The following NELL2 variants were observed in gnomAD, a reference collection of about 807,000 sequenced individuals.
NELL2 encodes the protein neural EGFL like 2.
Under a neutral mutation model 109.6 loss-of-function variants are expected in NELL2, and 41 were observed. The ratio of observed to expected loss-of-function variants is 0.37; its 90% CI spans 0.29 to 0.49. The LOEUF is 0.49. Among genes scored for constraint, NELL2 ranks in the 20% least tolerant of loss-of-function variants. The pLI is 0.98. For synonymous variants in NELL2, 355 were observed against 344.7 expected (o/e 1.03, Z -0.33); for missense variants, 900 against 1,008.3 (o/e 0.89, Z 1.45).
intron 15 of NELL2, among the ~76,000 whole-genome samples, chr12:44,534,213 TA>T (rs772758714): frequency 1.0e-3 from 155 of 151,682 alleles, no homozygotes; most frequent in African/African-American, 2.7e-3. Context: ...TATACATAAG[TA>T]AAAAAAAATC....
intron 3 of NELL2, among the ~76,000 whole-genome samples, chr12:44,788,340 C>T (rs1283046260): frequency 6.6e-6 from 1 of 152,190 alleles, no homozygotes; most frequent in African/African-American, 2.4e-5. Flanking sequence ...ACACTGAGTG[C>T]TCCAACTGTG....
At chr12:44,676,721 TA>T (rs1188751448) in intron 12 of NELL2, among the ~76,000 whole-genome samples, 1 of 151,746 alleles carries the variant, frequency 6.6e-6, no homozygotes, top group African/African-American at 2.4e-5. Context: ...ATTCCTGAAT[TA>T]AAAAAAATAG....
At chr12:44,773,429 T>A (rs1410012915) in intron 9 of NELL2, among the ~76,000 whole-genome samples, 1 of 151,246 alleles carries the variant, frequency 6.6e-6, no homozygotes, top group African/African-American at 2.4e-5. Context: ...TGAGCGGAAA[T>A]CACGCCACTG....
chr12:44,599,049 G>T (rs1339960912), intron 15 of NELL2, among the ~76,000 whole-genome samples: 1 of 152,080 alleles, frequency 6.6e-6, no homozygotes, highest in Non-Finnish European at 1.5e-5. Flanking sequence ...AATTTGTGTG[G>T]CATACCACTT....
At chr12:44,523,758 A>G in intron 16 of NELL2, 1 of 396,322 alleles carries the variant, frequency 2.5e-6, no homozygotes, top group Admixed American at 4.2e-5. Context: ...GCTTTATGAA[A>G]CATTTTTATT....
chr12:44,888,463 T>C lies in NELL2; in HGVS notation c.39-12563A>G, dbSNP rs915751481. Among the ~76,000 whole-genome samples, 6 of 131,140 alleles carry C rather than the reference T, an allele frequency of 4.6e-5. No individual in the cohort carries two copies. The Admixed American group carries it at 4.8e-4, about 10-fold the overall frequency. 86.0% of individuals were successfully genotyped at this position (131,140 alleles called of 152,430 possible). ...AAAAAAGAGAGAAGACCCAAATAAA[T>C]AAAATCGGAAATGAAAAAGGGGACA... On this transcript the variant is annotated intron_variant, in intron 1 of 20. Coordinates refer to the NELL2 transcript ENST00000333837.
At chr12:44,666,489 C>T (rs749869505) in intron 12 of NELL2, among the ~76,000 whole-genome samples, 1 of 152,144 alleles carries the variant, frequency 6.6e-6, no homozygotes, top group African/African-American at 2.4e-5. Context: ...GCACTGAATT[C>T]ATTTATACTG....
At chr12:44,745,558 T>C (rs1457750654) in intron 9 of NELL2, among the ~76,000 whole-genome samples, 1 of 152,164 alleles carries the variant, frequency 6.6e-6, no homozygotes, top group East Asian at 1.9e-4. Context: ...AACCCAATCG[T>C]CTCAGCCCAA....
At chr12:44,548,100 G>T (rs1352346276) in intron 15 of NELL2, among the ~76,000 whole-genome samples, 1 of 152,016 alleles carries the variant, frequency 6.6e-6, no homozygotes, top group Non-Finnish European at 1.5e-5. Context: ...ACACAGCCTG[G>T]TACACATTAG....
intron 9 of NELL2, among the ~76,000 whole-genome samples, chr12:44,761,174 T>G (rs1941109053): frequency 6.6e-6 from 1 of 152,058 alleles, no homozygotes; most frequent in Admixed American, 6.6e-5. Context: ...CTGGCCTGAC[T>G]AACATGGAGA....
intron 15 of NELL2, among the ~76,000 whole-genome samples, chr12:44,543,429 C>A (rs1942663418): frequency 6.6e-6 from 1 of 152,150 alleles, no homozygotes; most frequent in Non-Finnish European, 1.5e-5. Flanking sequence ...ACAGTGCATT[C>A]TGAATCATAG....
intron 2 of NELL2, among the ~76,000 whole-genome samples, chr12:44,843,912 C>T (rs1293782327): frequency 6.6e-6 from 1 of 152,054 alleles, no homozygotes; most frequent in Non-Finnish European, 1.5e-5. Context: ...GTCCCAGCTA[C>T]TTGGGAGGCT....
At chr12:44,736,700 T>A (rs940768189) in intron 9 of NELL2, among the ~76,000 whole-genome samples, 2 of 152,124 alleles carry the variant, frequency 1.3e-5, no homozygotes, top group African/African-American at 4.8e-5. Context: ...ACTATGTAAA[T>A]TAAACTTTAA....
At chr12:44,715,965 T>C (rs1238145560) in intron 9 of NELL2, among the ~76,000 whole-genome samples, 1 of 152,070 alleles carries the variant, frequency 6.6e-6, no homozygotes, top group Admixed American at 6.6e-5. Context: ...TAAATTTTAT[T>C]ATTTATTTTT....
At chr12:44,824,209 C>A (rs1943630966) in intron 2 of NELL2, among the ~76,000 whole-genome samples, 1 of 152,190 alleles carries the variant, frequency 6.6e-6, no homozygotes, top group Admixed American at 6.5e-5. Flanking sequence ...TTCTTCCATT[C>A]TGTACATTGT....
chr12:44,743,806 C>A (rs1367019132), intron 9 of NELL2, among the ~76,000 whole-genome samples: 1 of 152,148 alleles, frequency 6.6e-6, no homozygotes, highest in Non-Finnish European at 1.5e-5. Flanking sequence ...AAAGCAAATC[C>A]TTAATGACCT....
intron 14 of NELL2, among the ~76,000 whole-genome samples, chr12:44,608,124 G>C (rs1294249000): frequency 6.6e-6 from 1 of 152,024 alleles, no homozygotes. Context: ...TTATTCTTTG[G>C]CTCTGTAAGG....
chr12:44,675,013 T>C (rs1948258342), intron 12 of NELL2, among the ~76,000 whole-genome samples: 1 of 152,212 alleles, frequency 6.6e-6, no homozygotes. Flanking sequence ...TTTATGGCTT[T>C]TCCTTTAAAA....
intron 13 of NELL2, among the ~76,000 whole-genome samples, chr12:44,653,708 C>A (rs1302418210): frequency 6.6e-6 from 1 of 152,138 alleles, no homozygotes; most frequent in Non-Finnish European, 1.5e-5. Flanking sequence ...CACCTTAATA[C>A]TAGGCCTGCA....
Sources: gnomAD v4.1 joint callset for allele counts (sites outside exome capture counted in the v4.1 genomes callset) on GRCh38, gnomAD v4.1.1 for gene constraint, MANE v1.5 for transcripts, NCBI Gene and HGNC (gene_info 2026-07-23, HGNC 2026-07-21) for gene names.